The following UNC13C variants were observed in gnomAD, a reference collection of about 807,000 sequenced individuals.
UNC13C encodes the protein protein unc-13 homolog C.
A neutral mutation model predicts 245.4 loss-of-function variants in UNC13C; 174 were observed. The observed-to-expected ratio is 0.71, with a 90% CI of 0.63 to 0.80. The LOEUF is 0.80. Ranked by LOEUF, UNC13C falls within the 30% of genes least tolerant of loss-of-function variation. The probability of loss-of-function intolerance (pLI) is 0.00; values close to 1 mark genes in which losing one functional copy is unlikely to be tolerated. For missense variants in UNC13C, 2,829 were observed against 2,602.9 expected (o/e 1.09, Z -1.89); for synonymous variants, 992 against 895.1 (o/e 1.11, Z -1.93).
intron 19 of UNC13C, among the ~76,000 whole-genome samples, chr15:54,415,582 G>A (rs995215129): frequency 6.6e-6 from 1 of 152,140 alleles, no homozygotes; most frequent in Non-Finnish European, 1.5e-5. Flanking sequence ...AATATTCTTT[G>A]TGCACCCTCA....
At chr15:53,839,507 T>C in the UNC13C span, among the ~76,000 whole-genome samples, 1 of 152,180 alleles carries the variant, frequency 6.6e-6, no homozygotes, top group Non-Finnish European at 1.5e-5. Context: ...ATTTTTTAAA[T>C]AAAATGTAGC....
intron 18 of UNC13C, among the ~76,000 whole-genome samples, chr15:54,407,523 T>C (rs896079707): frequency 6.6e-6 from 1 of 152,142 alleles, no homozygotes; most frequent in Non-Finnish European, 1.5e-5. Flanking sequence ...AAATACAGGC[T>C]TCGGAAGAAC....
chr15:54,310,772 A>G (rs1217342460), intron 13 of UNC13C, among the ~76,000 whole-genome samples: 1 of 145,556 alleles, frequency 6.9e-6, no homozygotes. Context: ...ATCTATATCT[A>G]TATCTATATA....
Position 54,487,255 on chromosome 15 carries a change from A to G in UNC13C, c.4934-7353A>G, listed in dbSNP as rs139746861. ...TTTGTGACTATGAGCAGAACTACCA[A>G]CTGCTACTCCTCTCAAGAATAAAGC... On this transcript the variant is annotated intron_variant, in intron 19 of 32. Transcript: ENST00000260323. 6.2e-3 allele frequency among the ~76,000 whole-genome samples: 949 copies of G among 152,306 alleles called. 9 individuals are homozygous for G. The highest frequency in any genetic ancestry group is 0.022 in the African/African-American group (915 of 41,558).
At chr15:54,215,494 C>T (rs573308841) in intron 4 of UNC13C, among the ~76,000 whole-genome samples, 1 of 151,862 alleles carries the variant, frequency 6.6e-6, no homozygotes, top group African/African-American at 2.4e-5. Context: ...ACTTCTGAAA[C>T]CATGTTTCAA....
At chr15:53,985,941 C>G (rs1894120611) in intron 1 of UNC13C, among the ~76,000 whole-genome samples, 1 of 152,038 alleles carries the variant, frequency 6.6e-6, no homozygotes, top group Non-Finnish European at 1.5e-5. Flanking sequence ...TTACCTCCCT[C>G]CTGAGCACAT....
the UNC13C span, among the ~76,000 whole-genome samples, chr15:53,853,712 T>C: frequency 7.6e-4 from 116 of 152,334 alleles, no homozygotes; most frequent in African/African-American, 2.5e-3. Context: ...TGGTATCTCA[T>C]TGTGGTTTGA....
intron 29 of UNC13C, among the ~76,000 whole-genome samples, chr15:54,564,103 C>T (rs958535687): frequency 6.6e-6 from 1 of 151,988 alleles, no homozygotes; most frequent in Non-Finnish European, 1.5e-5. Flanking sequence ...TGTTATTTGT[C>T]TGTGTCCATT....
At chr15:54,482,429 C>T (rs1425628173) in intron 19 of UNC13C, among the ~76,000 whole-genome samples, 3 of 152,104 alleles carry the variant, frequency 2.0e-5, no homozygotes, top group Non-Finnish European at 1.5e-5. Context: ...CCTGTGAGAG[C>T]CAAAGGGTTC....
At chr15:54,502,444 T>C (rs1042708802) in intron 22 of UNC13C, among the ~76,000 whole-genome samples, 1 of 152,168 alleles carries the variant, frequency 6.6e-6, no homozygotes, top group African/African-American at 2.4e-5. Context: ...ACTTTTAAAA[T>C]ATTAAATAAT....
intron 23 of UNC13C, among the ~76,000 whole-genome samples, chr15:54,509,548 T>C (rs1894643656): frequency 6.6e-6 from 1 of 152,270 alleles, no homozygotes; most frequent in South Asian, 2.1e-4. Flanking sequence ...TTAAAGGTAT[T>C]ATTCTATTTT....
At chr15:54,372,877 C>T (rs553295700) in intron 17 of UNC13C, among the ~76,000 whole-genome samples, 4 of 152,158 alleles carry the variant, frequency 2.6e-5, no homozygotes, top group Admixed American at 6.5e-5. Flanking sequence ...AGGTGACAAT[C>T]GAGTTAGTCA....
Position 54,511,744 on chromosome 15 carries a change from T to C in UNC13C, c.5380-9T>C. On this transcript the variant is annotated splice_polypyrimidine_tract_variant and intron_variant, in intron 23 of 32. Coordinates refer to ENST00000260323, the MANE Select transcript of UNC13C (RefSeq NM_001080534.3). ...TTGCTCATAATAGTCTTTTTTTCTA[T>C]ATTTAAAGCCCTGTATCTTGATGAA... 1 of 1,585,110 alleles carries C rather than the reference T, an allele frequency of 6.3e-7. No individual in the cohort carries two copies. Among genetic ancestry groups the C allele is most frequent in the South Asian group, 1.2e-5 (1 of 85,434 alleles).
intron 17 of UNC13C, among the ~76,000 whole-genome samples, chr15:54,380,746 A>C (rs1287747739): frequency 1.3e-5 from 2 of 152,094 alleles, no homozygotes; most frequent in East Asian, 3.9e-4. Flanking sequence ...TGTGTTGACT[A>C]TTTGTATATC....
the UNC13C span, among the ~76,000 whole-genome samples, chr15:53,939,962 C>G: frequency 6.6e-6 from 1 of 151,680 alleles, no homozygotes; most frequent in African/African-American, 2.4e-5. Context: ...TGTTGGTTAA[C>G]TTTGCCATAT....
Position 53,978,777 on chromosome 15 carries a change from C to A in UNC13C, c.-407C>A, listed in dbSNP as rs1893803617. Among the ~76,000 whole-genome samples, 1 of 152,154 alleles carries A rather than the reference C, an allele frequency of 6.6e-6. No individual in the cohort carries two copies. The highest frequency in any genetic ancestry group is 2.4e-5 in the African/African-American group (1 of 41,438). On this transcript the variant is annotated 5_prime_UTR_variant, in exon 1 of 33. In the 5' UTR this introduces an upstream ATG that the reference lacks. Coordinates refer to ENST00000260323, the MANE Select transcript of UNC13C (RefSeq NM_001080534.3). ...GATCCCTGGGACGCAGCTTCCACTC[C>A]TGTTCTAACTATTTGTGATTGAAAA...
chr15:54,310,539 A>G (rs2037840769), intron 13 of UNC13C, among the ~76,000 whole-genome samples: 1 of 151,838 alleles, frequency 6.6e-6, no homozygotes, highest in South Asian at 2.1e-4. Flanking sequence ...ATATTCAGAA[A>G]GGCATAGCAT....
intron 30 of UNC13C, among the ~76,000 whole-genome samples, chr15:54,613,989 T>G (rs1436394278): frequency 6.6e-6 from 1 of 151,996 alleles, no homozygotes; most frequent in African/African-American, 2.4e-5. Flanking sequence ...CCCCATTTCC[T>G]GTTGCCCCAG....
intron 26 of UNC13C, among the ~76,000 whole-genome samples, chr15:54,536,913 A>G (rs1369803537): frequency 6.6e-6 from 1 of 152,126 alleles, no homozygotes; most frequent in African/African-American, 2.4e-5. Flanking sequence ...CCCCTTGAGA[A>G]CCAGAACAAG....
Sources: allele counts gnomAD v4.1 joint callset (sites outside exome capture counted in the v4.1 genomes callset), GRCh38; gene constraint gnomAD v4.1.1; transcripts MANE v1.5; gene names NCBI Gene and HGNC (gene_info 2026-07-23, HGNC 2026-07-21).